The following SLC12A9 variants were observed in gnomAD, a reference collection of about 807,000 sequenced individuals.
SLC12A9 encodes the protein CCC-interacting protein 1.
A neutral mutation model predicts 66.0 loss-of-function variants in SLC12A9; 55 were observed. That is an observed-to-expected ratio of 0.83 (90% CI 0.67 to 1.04). The LOEUF is 1.04. SLC12A9 is among the 50% of genes least tolerant of loss of function. SLC12A9 has a pLI of 0.00. For missense variants in SLC12A9, 1,061 were observed against 1,241.9 expected (o/e 0.85, Z 2.19); for synonymous variants, 577 against 569.0 (o/e 1.01, Z -0.20).
chr7:100,833,164 C>T (rs1306692161), intron 1 of SLC12A9, among the ~76,000 whole-genome samples: 4 of 151,810 alleles, frequency 2.6e-5, no homozygotes, highest in Non-Finnish European at 4.4e-5. Context: ...CTACCTAATT[C>T]TAGCACTGTG....
rs769314600 is a variant in SLC12A9, at chr7:100,866,074, C to T, written c.2214C>T (p.Pro738=). Residue 738 remains proline (P), a synonymous_variant, in exon 14 of 14, where the codon CCC becomes CCT. Transcript: ENST00000354161. This position sits in a 1 kb window ranked among gnomAD's most constrained non-coding sequence, Gnocchi z 7.3. ...ACCTGCTGCGGCCCCGGGGTGGGCC[C>T]GGCTATGTGGATGTCTGCGGCCTCT... is the stretch of plus-strand genomic sequence containing the variant. ...PLNLLRPRGG[P]GYVDVCGLFL... 1.4e-5 allele frequency: 22 copies of T among 1,612,792 alleles called. No homozygotes were observed. The African/African-American group carries it at 1.6e-4, about 12-fold the overall frequency.
chr7:100,860,829 T>A, intron 9 of SLC12A9: 1 of 466,730 alleles, frequency 2.1e-6, no homozygotes, highest in South Asian at 1.9e-5. Context: ...CAGGGTTCAC[T>A]GACACTTTGG....
In SLC12A9 at chr7:100,854,303, A is replaced by G; in HGVS notation, c.106A>G (p.Lys36Glu). Residue 36 changes from lysine (K) to glutamate (E), a missense_variant, in exon 2 of 14, where the codon AAG becomes GAG. Physicochemically the swap from Lys to Glu is moderately conservative, Grantham distance 56. Coordinates refer to ENST00000354161, the MANE Select transcript of SLC12A9 (RefSeq NM_020246.4). ...GGGTCCTGGAGGGGCGTCTGCCCGG[A>G]AGCTGTCCACCTTCCTGGGTGTGGT... ...AGGPGGASARKLSTFLGVVVP... is the reference protein window; with the variant it reads ...AGGPGGASARELSTFLGVVVP... 6.2e-7 allele frequency: 1 copy of G among 1,604,570 alleles called. No individual in the cohort carries two copies. Among genetic ancestry groups the G allele is most frequent in the Non-Finnish European group, 8.5e-7 (1 of 1,177,574 alleles).
At chr7:100,851,526 C>T (rs574297404), upstream of SLC12A9, among the ~76,000 whole-genome samples, 2,007 of 148,100 alleles carry the variant, frequency 0.014, 17 homozygotes, top group Middle Eastern at 0.034. Context: ...CAGGTTCAAG[C>T]GATCCTCCTG....
At chr7:100,837,214 A>AT (rs1323866605) in intron 1 of SLC12A9, 1 of 152,198 alleles carries the variant, frequency 6.6e-6, no homozygotes, top group Non-Finnish European at 1.5e-5. Context: ...AAGCGCTGGG[A>AT]TTACAGGCAT....
intron 1 of SLC12A9, among the ~76,000 whole-genome samples, chr7:100,840,201 G>T (rs1161440021): frequency 6.6e-6 from 1 of 152,154 alleles, no homozygotes; most frequent in East Asian, 1.9e-4. Flanking sequence ...GTGTGCGTGT[G>T]GTGTGAGTGT....
chr7:100,839,207 C>T (rs1403717593), intron 1 of SLC12A9, among the ~76,000 whole-genome samples: 1 of 152,060 alleles, frequency 6.6e-6, no homozygotes, highest in Non-Finnish European at 1.5e-5. Context: ...CGCCTGTAGT[C>T]CCAGCTACTC....
At position 100,865,627 on chromosome 7, in the gene SLC12A9, C is replaced by T. The variant is rs567701191; in HGVS notation, c.1859-92C>T. ...GTGGGAATGTCATACCTATGGCTGACGCACCTTGCTGTCAGTGTGTGGGAG... is the reference window on the plus strand; with the variant it reads ...GTGGGAATGTCATACCTATGGCTGATGCACCTTGCTGTCAGTGTGTGGGAG... On this transcript the variant is annotated intron_variant, in intron 13 of 13. Transcript: ENST00000354161. 5.4e-5 allele frequency: 84 copies of T among 1,555,226 alleles called. 1 individual carries two copies. Among genetic ancestry groups the T allele is most frequent in the African/African-American group, 5.0e-4 (37 of 73,532 alleles).
chr7:100,848,908 A>AAAAGAAAGAAAG (rs141258756), upstream of SLC12A9, among the ~76,000 whole-genome samples: 4 of 149,736 alleles, frequency 2.7e-5, no homozygotes, highest in African/African-American at 9.8e-5. Context: ...AGAAAGAAAG[A>AAAAGAAAGAAAG]AAAGAAAGAA....
At chr7:100,859,857 TC>T in intron 7 of SLC12A9, 27 bp from the exon 8 acceptor site, 3 of 1,582,424 alleles carry the variant, frequency 1.9e-6, no homozygotes, top group Non-Finnish European at 2.6e-6. Context: ...CGCATGATCA[TC>T]CGTGTCCTCC....
chr7:100,832,314 G>A (rs770690814), intron 1 of SLC12A9, among the ~76,000 whole-genome samples: 2 of 152,086 alleles, frequency 1.3e-5, no homozygotes, highest in Middle Eastern at 3.2e-3. Context: ...AGACCGGCCT[G>A]GGCAACAAAG....
chr7:100,858,598 A>G, intron 5 of SLC12A9: 1 of 424,748 alleles, frequency 2.4e-6, no homozygotes, highest in South Asian at 2.6e-5. Context: ...TCTAAAAAAT[A>G]AATAAATAAA....
In SLC12A9 at chr7:100,855,814, C is replaced by G. The variant is rs376562429; in HGVS notation, c.425C>G (p.Ser142Cys). 1.2e-4 allele frequency: 195 copies of G among 1,612,244 alleles called. 1 individual carries two copies. The highest frequency in any genetic ancestry group is 1.5e-4 in the Non-Finnish European group (182 of 1,179,068). The change falls in exon 4 of 14, where the codon TCT becomes TGT. Residue 142 changes from serine to cysteine, a missense_variant. Coordinates refer to ENST00000354161, the MANE Select transcript of SLC12A9 (RefSeq NM_020246.4). ...GTCTCCCTCCTGGGGCTGGTGGAGT[C>G]TGTGCTTGATGTCTTCGGGGCCGGT... Reference protein sequence around the residue: ...CAVSLLGLVESVLDVFGADAT... With the variant: ...CAVSLLGLVECVLDVFGADAT...
chr7:100,836,728 C>CGA (rs1022503216), intron 1 of SLC12A9, among the ~76,000 whole-genome samples: 1 of 152,042 alleles, frequency 6.6e-6, no homozygotes, highest in Non-Finnish European at 1.5e-5. Flanking sequence ...CCTCTCTTCC[C>CGA]GAGAGTCTTT....
At chr7:100,860,332 G>A (rs1332031712) in intron 9 of SLC12A9, 100 bp downstream of exon 9, 5 of 1,241,386 alleles carry the variant, frequency 4.0e-6, no homozygotes, top group Non-Finnish European at 4.5e-6. Context: ...AAAGACAAAT[G>A]CGTATGCACT....
rs539103929 is a variant in SLC12A9, at chr7:100,833,224, C to T, written n.228+6177C>T. 2.2e-4 allele frequency among the ~76,000 whole-genome samples: 34 copies of T among 152,174 alleles called. No homozygotes were observed. The South Asian group carries it at 5.8e-3, about 26-fold the overall frequency. On this transcript the variant is annotated intron_variant and non_coding_transcript_variant, in intron 1 of 1. Transcript: ENST00000461016. The stretch of plus-strand genomic sequence containing the variant: ...AAAGGCTGGGCGCAGTGGCTCACAC[C>T]TGTAATCTTAGCACTTTGGGAGGCC...
At chr7:100,851,460 G>A (rs957104445), upstream of SLC12A9, among the ~76,000 whole-genome samples, 1 of 143,856 alleles carries the variant, frequency 7.0e-6, no homozygotes. Context: ...GTCTCGTTCT[G>A]TTGCCCTGGC....
In SLC12A9 at chr7:100,866,416, G is replaced by A; in HGVS notation, c.2556G>A (p.Gly852=). 2 of 1,544,004 alleles carry A rather than the reference G, an allele frequency of 1.3e-6. No individual in the cohort carries two copies. Among genetic ancestry groups the A allele is most frequent in the Non-Finnish European group, 1.7e-6 (2 of 1,143,614 alleles). The change falls in exon 14 of 14, where the codon GGG becomes GGA. Residue 852 remains glycine (G), a synonymous_variant. Transcript: ENST00000354161. The surrounding 1 kb of genome is among the most constrained non-coding windows in gnomAD (Gnocchi z 7.3). ...AGCAGGGGCGCGGCACAGGAGGAGG[G>A]CCGGGTGGGCCGGAGGGTGGGGATG... is the stretch of plus-strand genomic sequence containing the variant. The part of the protein sequence containing the change: ...RAQQGRGTGG[G]PGGPEGGDAE...
chr7:100,828,575 A>G (rs915996472), intron 1 of SLC12A9, among the ~76,000 whole-genome samples: 6 of 148,160 alleles, frequency 4.0e-5, no homozygotes, highest in African/African-American at 1.5e-4. Context: ...AAAAAAAAAA[A>G]GGTGGGTGTG....
Sources: gnomAD v4.1 joint callset for allele counts (sites outside exome capture counted in the v4.1 genomes callset) on GRCh38, gnomAD v4.1.1 for gene constraint, Gnocchi (gnomAD v3.1) non-coding constraint, MANE v1.5 for transcripts, NCBI Gene and HGNC (gene_info 2026-07-23, HGNC 2026-07-21) for gene names.